The following KAZN variants were observed in gnomAD, a reference collection of about 807,000 sequenced individuals.
KAZN encodes the protein kazrin.
KAZN carries 40 observed loss-of-function variants against 87.4 expected under a neutral mutation model. The ratio of observed to expected loss-of-function variants is 0.46; its 90% CI spans 0.36 to 0.60. KAZN has a LOEUF of 0.60. Ranked by LOEUF, KAZN falls within the 20% of genes least tolerant of loss-of-function variation. The pLI is 0.00. For synonymous variants in KAZN, 466 were observed against 458.3 expected, an observed-to-expected ratio of 1.02 and a Z score of -0.22; for missense variants, 898 against 1,073.9, an observed-to-expected ratio of 0.84 and a Z score of 2.29.
intron 1 of KAZN, among the ~76,000 whole-genome samples, chr1:14,803,778 C>T (rs1646117292): frequency 6.6e-6 from 1 of 152,236 alleles, no homozygotes; most frequent in African/African-American, 2.4e-5. Context: ...GGAGGGCTGG[C>T]ACTCCACATT....
chr1:14,887,623 C>A (rs1289344595), intron 1 of KAZN, among the ~76,000 whole-genome samples: 1 of 151,986 alleles, frequency 6.6e-6, no homozygotes, highest in Non-Finnish European at 1.5e-5. Flanking sequence ...CCCAAGACTA[C>A]CACGAGGAGC....
At chr1:15,019,990 C>T (rs938025698) in intron 2 of KAZN, among the ~76,000 whole-genome samples, 1 of 152,146 alleles carries the variant, frequency 6.6e-6, no homozygotes, top group Non-Finnish European at 1.5e-5. Context: ...GTGGCCTGTG[C>T]AGGACTGAGC....
At chr1:14,418,455 C>G (rs1665023304) in intron 2 of KAZN, among the ~76,000 whole-genome samples, 2 of 152,072 alleles carry the variant, frequency 1.3e-5, no homozygotes, top group Admixed American at 6.6e-5. Context: ...CAGCATGTAA[C>G]CAATGGAAAT....
intron 8 of KAZN, among the ~76,000 whole-genome samples, chr1:15,093,653 G>T (rs1373479253): frequency 2.0e-5 from 3 of 152,176 alleles, no homozygotes; most frequent in Non-Finnish European, 4.4e-5. Context: ...AATCAGATAT[G>T]CATTTGTGCC....
chr1:14,733,488 C>T (rs555637640), intron 1 of KAZN, among the ~76,000 whole-genome samples: 1 of 152,152 alleles, frequency 6.6e-6, no homozygotes, highest in Non-Finnish European at 1.5e-5. Context: ...GGCAGTGCAG[C>T]CTCGTGCCGT....
intron 1 of KAZN, among the ~76,000 whole-genome samples, chr1:14,612,325 G>A (rs545141177): frequency 6.6e-6 from 1 of 152,320 alleles, no homozygotes; most frequent in Admixed American, 6.5e-5. Context: ...CCCCTGAGCT[G>A]TAGAGCCCTT....
At chr1:14,756,958 C>G (rs778083669) in intron 1 of KAZN, among the ~76,000 whole-genome samples, 1 of 152,194 alleles carries the variant, frequency 6.6e-6, no homozygotes, top group Non-Finnish European at 1.5e-5. Context: ...TTAAGTGTCC[C>G]TTTACCTTTT....
intron 1 of KAZN, among the ~76,000 whole-genome samples, chr1:14,848,892 G>T (rs1344991291): frequency 6.6e-6 from 1 of 152,178 alleles, no homozygotes; most frequent in Non-Finnish European, 1.5e-5. Context: ...AACAAAAGCT[G>T]GGGAAGGCTC....
At chr1:14,119,893 G>A (rs1176304049) in intron 1 of KAZN, among the ~76,000 whole-genome samples, 2 of 100,728 alleles carry the variant, frequency 2.0e-5, no homozygotes, top group East Asian at 3.8e-4. Context: ...CCATGTGCCA[G>A]GCACTGTTCT....
intron 2 of KAZN, among the ~76,000 whole-genome samples, chr1:14,980,697 T>G (rs1208631484): frequency 6.6e-6 from 1 of 152,116 alleles, no homozygotes; most frequent in African/African-American, 2.4e-5. Context: ...GACATGATCT[T>G]TACCATGACA....
At chr1:14,563,326 C>T (rs1021168059) in intron 2 of KAZN, among the ~76,000 whole-genome samples, 4 of 152,194 alleles carry the variant, frequency 2.6e-5, no homozygotes, top group Non-Finnish European at 5.9e-5. Flanking sequence ...TCCCTGGCCT[C>T]ACTCCCAGAG....
chr1:14,810,402 C>T lies in KAZN; in HGVS notation c.227-150282C>T, dbSNP rs556215687. Among the ~76,000 whole-genome samples, 17 of 152,238 alleles carry T rather than the reference C, an allele frequency of 1.1e-4. No homozygotes were observed. In the South Asian group the frequency reaches 2.7e-3, roughly 24 times the overall value. On this transcript the variant is annotated intron_variant, in intron 1 of 14. Transcript: ENST00000376030. ...CTGATTTTCTGCTCAGGGGCCTGGA[C>T]CAGATCTGCCTTCCTCGTTGTGGCA...
chr1:14,248,119 A>G (rs145662914), intron 2 of KAZN, among the ~76,000 whole-genome samples: 64 of 152,338 alleles, frequency 4.2e-4, no homozygotes, highest in Non-Finnish European at 7.5e-4. Flanking sequence ...GATTGCATAG[A>G]TGCTCCCGGG....
intron 1 of KAZN, among the ~76,000 whole-genome samples, chr1:13,987,322 C>T (rs1197995083): frequency 6.7e-6 from 1 of 148,238 alleles, no homozygotes; most frequent in Non-Finnish European, 1.5e-5. Flanking sequence ...CCTCCTCTTG[C>T]CCCCCTACCC....
chr1:14,939,014 C>T (rs1660762440), intron 1 of KAZN, among the ~76,000 whole-genome samples: 1 of 152,064 alleles, frequency 6.6e-6, no homozygotes, highest in Non-Finnish European at 1.5e-5. Flanking sequence ...ACTCAGTTGC[C>T]CAGGCTGGAG....
At chr1:14,207,976 A>G (rs1646778262) in intron 2 of KAZN, among the ~76,000 whole-genome samples, 2 of 152,216 alleles carry the variant, frequency 1.3e-5, no homozygotes, top group Admixed American at 1.3e-4. Flanking sequence ...CTCCTGATGC[A>G]CATGCTTCAC....
chr1:14,814,915 C>G (rs1646519074), intron 1 of KAZN, among the ~76,000 whole-genome samples: 1 of 152,306 alleles, frequency 6.6e-6, no homozygotes. Context: ...ATTAATAATA[C>G]CTCGTTCAGG....
intron 1 of KAZN, among the ~76,000 whole-genome samples, chr1:14,952,839 T>A (rs1294979512): frequency 6.6e-6 from 1 of 152,192 alleles, no homozygotes; most frequent in South Asian, 2.1e-4. Context: ...TCCGAAATGA[T>A]CATGATGAGC....
At chr1:14,389,212 T>C (rs968823375) in intron 2 of KAZN, among the ~76,000 whole-genome samples, 8 of 152,120 alleles carry the variant, frequency 5.3e-5, no homozygotes, top group African/African-American at 1.9e-4. Flanking sequence ...CAAATGCTGG[T>C]GAGGATGTTG....
Sources: gnomAD v4.1 joint callset for allele counts (sites outside exome capture counted in the v4.1 genomes callset) on GRCh38, gnomAD v4.1.1 for gene constraint, MANE v1.5 for transcripts, NCBI Gene and HGNC (gene_info 2026-07-23, HGNC 2026-07-21) for gene names.